The following PRDM12 variants were observed in gnomAD, a reference collection of about 807,000 sequenced individuals.
The protein encoded by PRDM12 is PR domain zinc finger protein 12.
A neutral mutation model predicts 29.6 loss-of-function variants in PRDM12; 17 were observed. That is an observed-to-expected ratio of 0.57 (90% CI 0.39 to 0.86). PRDM12 has a LOEUF of 0.86. PRDM12 is among the 40% of genes least tolerant of loss of function. The probability of loss-of-function intolerance (pLI) is 0.00; values close to 1 mark genes in which losing one functional copy is unlikely to be tolerated. For missense variants in PRDM12, 422 were observed against 510.8 expected, an observed-to-expected ratio of 0.83 and a Z score of 1.68; for synonymous variants, 231 against 225.8, an observed-to-expected ratio of 1.02 and a Z score of -0.21.
In PRDM12 at chr9:130,681,304, A is replaced by G. The variant is rs1291255722; in HGVS notation, c.739A>G (p.Ile247Val). The G allele has an allele frequency of 2.7e-5, 41 of 1,529,248 alleles. No homozygotes were observed. The highest frequency in any genetic ancestry group is 3.6e-5 in the Non-Finnish European group (41 of 1,132,628). 94.7% of individuals were successfully genotyped at this position (1,529,248 alleles called of 1,614,324 possible). The change falls in exon 5 of 5, where the codon ATC becomes GTC. Residue 247 changes from isoleucine (I) to valine (V), a missense_variant. Ile to Val is a conservative substitution (Grantham distance 29). Transcript: ENST00000253008. The surrounding 1 kb of genome is among the most constrained non-coding windows in gnomAD (Gnocchi z 8.1). ...CCCCGCGGGCCGCATGCGATGCGTC[A>G]TCTGCCACCGCGGCTTCAACTCGCG... ...AGPAGRMRCV[I>V]CHRGFNSRSN...
chr9:130,680,634 A>ATATATATATATATAT (rs1554753095), intron 4 of PRDM12, among the ~76,000 whole-genome samples: 22 of 88,438 alleles, frequency 2.5e-4, no homozygotes, highest in Non-Finnish European at 3.3e-4. Flanking sequence ...AAAAAAAAAA[A>ATATATATATATATAT]ATATATATAT....
At chr9:130,671,918 A>C (rs1478943974) in intron 3 of PRDM12, among the ~76,000 whole-genome samples, 1 of 152,262 alleles carries the variant, frequency 6.6e-6, no homozygotes, top group Non-Finnish European at 1.5e-5. Flanking sequence ...AATAAGCAGA[A>C]TATACTATTG....
chr9:130,666,598 G>A lies in PRDM12; in HGVS notation c.224-10G>A, dbSNP rs1305998918. 15 of 1,596,218 alleles carry A rather than the reference G, an allele frequency of 9.4e-6. No individual in the cohort carries two copies. Among genetic ancestry groups the A allele is most frequent in the South Asian group, 2.3e-5 (2 of 88,662 alleles). ...GGCTCTGACCGGTTTTCCTGGCCCC[G>A]CCGCCGCAGAAGTGCAGAAGCTGTC... On this transcript the variant is annotated splice_polypyrimidine_tract_variant and intron_variant, in intron 1 of 4. Coordinates refer to ENST00000253008, the MANE Select transcript of PRDM12 (RefSeq NM_021619.3).
chr9:130,678,636 G>T lies in PRDM12; in HGVS notation c.678G>T (p.Lys226Asn), dbSNP rs1281433473. ...PGLEEDQKKN[K>N]HEDFHPADSA... The stretch of plus-strand genomic sequence containing the variant: ...TAGAGGAGGACCAGAAAAAGAACAA[G>T]CATGGTAGGTGTTCCCCATGGGGCC... The change falls in exon 4 of 5, where the codon AAG becomes AAT. Residue 226 changes from lysine (K) to asparagine (N), a missense_variant. Physicochemically the swap from Lys to Asn is moderately conservative, Grantham distance 94. Transcript: ENST00000253008. 2 of 1,604,676 alleles carry T rather than the reference G, an allele frequency of 1.2e-6. No individual in the cohort carries two copies. The highest frequency in any genetic ancestry group is 2.7e-5 in the African/African-American group (2 of 74,658).
rs1202928792 is a variant in PRDM12, at chr9:130,681,360, C to T, written c.795C>T (p.His265=). ...ACCTGCGCTCGCACATGCGCATCCA[C>T]ACGCTGGACAAGCCCTTCGTGTGCC... ...RSNLRSHMRI[H]TLDKPFVCRF... Residue 265 remains histidine (H), a synonymous_variant, in exon 5 of 5, where the codon CAC becomes CAT. Coordinates refer to ENST00000253008, the MANE Select transcript of PRDM12 (RefSeq NM_021619.3). The surrounding 1 kb of genome is among the most constrained non-coding windows in gnomAD (Gnocchi z 8.1). 9 of 1,587,354 alleles carry T rather than the reference C, an allele frequency of 5.7e-6. No individual in the cohort carries two copies. The highest frequency in any genetic ancestry group is 7.7e-6 in the Non-Finnish European group (9 of 1,168,230).
Position 130,668,370 on chromosome 9 carries a change from G to A in PRDM12, c.570+57G>A, listed in dbSNP as rs1830755297. The stretch of plus-strand genomic sequence containing the variant: ...GACCAGCCGGTAAACCCGGCGGGGG[G>A]AGGTGTGCAGGGCAGCGGTGTCCAG... On this transcript the variant is annotated intron_variant, in intron 3 of 4. Coordinates refer to ENST00000253008, the MANE Select transcript of PRDM12 (RefSeq NM_021619.3). This position sits in a 1 kb window ranked among gnomAD's most constrained non-coding sequence, Gnocchi z 4.0. 6.2e-6 allele frequency: 10 copies of A among 1,605,252 alleles called. No individual in the cohort carries two copies. The East Asian group carries it at 6.7e-5, about 11-fold the overall frequency.
At chr9:130,678,209 G>C (rs1830860777) in intron 3 of PRDM12, among the ~76,000 whole-genome samples, 1 of 151,864 alleles carries the variant, frequency 6.6e-6, no homozygotes, top group South Asian at 2.1e-4. Context: ...AATGGAAAAG[G>C]TTTCTAGTTT....
chr9:130,676,815 G>A lies in PRDM12; in HGVS notation c.571-1714G>A, dbSNP rs1830847230. ...CATGGGGGCATGTGGAAATGGATGTGGTGACTCTAGGCTGAGTCTCAGGAG... is the reference window on the plus strand; with the variant it reads ...CATGGGGGCATGTGGAAATGGATGTAGTGACTCTAGGCTGAGTCTCAGGAG... On this transcript the variant is annotated intron_variant, in intron 3 of 4. Coordinates refer to ENST00000253008, the MANE Select transcript of PRDM12 (RefSeq NM_021619.3). Among the ~76,000 whole-genome samples the A allele has an allele frequency of 2.0e-5, 3 of 152,296 alleles. No individual in the cohort carries two copies. In the South Asian group the frequency reaches 6.2e-4, roughly 32 times the overall value.
intron 3 of PRDM12, among the ~76,000 whole-genome samples, chr9:130,677,263 TG>T (rs1830851503): frequency 6.6e-6 from 1 of 152,146 alleles, no homozygotes; most frequent in African/African-American, 2.4e-5. Context: ...CAGAGCTTGC[TG>T]CAATGGTCTG....
intron 3 of PRDM12, among the ~76,000 whole-genome samples, chr9:130,673,255 G>A (rs1328508536): frequency 6.6e-6 from 1 of 152,208 alleles, no homozygotes; most frequent in Non-Finnish European, 1.5e-5. Flanking sequence ...CGGTCAGCTG[G>A]CGGGACCCCG....
intron 3 of PRDM12, among the ~76,000 whole-genome samples, chr9:130,674,775 G>A (rs897505440): frequency 1.3e-5 from 2 of 152,136 alleles, no homozygotes; most frequent in Non-Finnish European, 2.9e-5. Context: ...CTGCATCGCT[G>A]TTTTAATTTT....
At chr9:130,667,963 TG>T (rs1450510266) in intron 2 of PRDM12, among the ~76,000 whole-genome samples, 194 bp from the exon 3 acceptor site, 1 of 152,210 alleles carries the variant, frequency 6.6e-6, no homozygotes, top group African/African-American at 2.4e-5. Context: ...TGATCCCCTG[TG>T]GGCCACTTCC....
chr9:130,668,181 G>A lies in PRDM12; in HGVS notation c.438G>A (p.Val146=). ...MWEVFNEDGT[V]RYFIDASQED... is the part of the protein sequence containing the mutation. ...AGGTGTTCAATGAGGATGGCACGGT[G>A]CGCTACTTCATCGATGCCAGCCAGG... Residue 146 remains valine (V), a synonymous_variant, in exon 3 of 5, where the codon GTG becomes GTA. Transcript: ENST00000253008. The surrounding 1 kb of genome is among the most constrained non-coding windows in gnomAD (Gnocchi z 4.0). 4 of 1,614,196 alleles carry A rather than the reference G, an allele frequency of 2.5e-6. No individual in the cohort carries two copies. In the South Asian group the frequency reaches 3.3e-5, roughly 13 times the overall value.
Position 130,678,546 on chromosome 9 carries a change from G to A in PRDM12, c.588G>A (p.Gln196=). The part of the protein sequence containing the change: ...YKAIEMIPPD[Q]ELLVWYGNSH... The stretch of plus-strand genomic sequence containing the variant: ...CCCTGCAGATGATCCCACCTGACCA[G>A]GAACTGCTGGTGTGGTACGGAAACT... The change falls in exon 4 of 5, where the codon CAG becomes CAA. Residue 196 remains glutamine, a synonymous_variant. Transcript: ENST00000253008. 1.9e-6 allele frequency: 3 copies of A among 1,613,218 alleles called. No individual in the cohort carries two copies. The highest frequency in any genetic ancestry group is 2.5e-6 in the Non-Finnish European group (3 of 1,179,494).
At position 130,664,637 on chromosome 9, in the gene PRDM12, G is replaced by A. The variant is rs761496937; in HGVS notation, c.-17G>A. 2 of 1,532,998 alleles carry A rather than the reference G, an allele frequency of 1.3e-6. No individual in the cohort carries two copies. The highest frequency in any genetic ancestry group is 1.7e-6 in the Non-Finnish European group (2 of 1,144,424). The allele number at this position is 1,532,998 out of a possible 1,614,324, so 95.0% of individuals were successfully genotyped here. A position where few individuals can be genotyped will look rare whatever the true frequency, so the allele number is the denominator to read the frequency against. ...CGGCCCGGCCGTCCCCCGGCGCCGG[G>A]GAGCTCCGGGCCGCCCATGATGGGC... On this transcript the variant is annotated 5_prime_UTR_variant, in exon 1 of 5. Transcript: ENST00000253008. This position sits in a 1 kb window ranked among gnomAD's most constrained non-coding sequence, Gnocchi z 6.4.
chr9:130,680,659 A>ATATATATATATTTTTT, intron 4 of PRDM12, among the ~76,000 whole-genome samples: 12 of 72,168 alleles, frequency 1.7e-4, no homozygotes, highest in East Asian at 1.3e-3. Flanking sequence ...ATATATATAT[A>ATATATATATATTTTTT]TTTTTTTTTT....
chr9:130,675,185 T>C (rs1292943398), intron 3 of PRDM12, among the ~76,000 whole-genome samples: 1 of 152,206 alleles, frequency 6.6e-6, no homozygotes, highest in Non-Finnish European at 1.5e-5. Flanking sequence ...CAGCCTACTG[T>C]TACTGTATTT....
Position 130,668,990 on chromosome 9 carries a change from C to A in PRDM12, c.570+677C>A, listed in dbSNP as rs1830761023. On this transcript the variant is annotated intron_variant, in intron 3 of 4. Transcript: ENST00000253008. The surrounding 1 kb of genome is among the most constrained non-coding windows in gnomAD (Gnocchi z 4.0). ...GTGTTAGCACTAATAGCTGCGCTTC[C>A]TGAGCCTTCTCAGAGGAGACAGACA... is the stretch of plus-strand genomic sequence containing the variant. Among the ~76,000 whole-genome samples, 2 of 152,172 alleles carry A rather than the reference C, an allele frequency of 1.3e-5. No homozygotes were observed. The highest frequency in any genetic ancestry group is 2.9e-5 in the Non-Finnish European group (2 of 68,038).
intron 3 of PRDM12, among the ~76,000 whole-genome samples, chr9:130,677,400 C>A (rs551304150): frequency 6.6e-6 from 1 of 152,200 alleles, no homozygotes; most frequent in African/African-American, 2.4e-5. Flanking sequence ...GAAGCCAACG[C>A]GGGGTCCTGG....
Sources: gnomAD v4.1 joint callset for allele counts (sites outside exome capture counted in the v4.1 genomes callset) on GRCh38, gnomAD v4.1.1 for gene constraint, Gnocchi (gnomAD v3.1) non-coding constraint, MANE v1.5 for transcripts, NCBI Gene and HGNC (gene_info 2026-07-23, HGNC 2026-07-21) for gene names.